RBPJ: variants seen among roughly 807,000 people sequenced by gnomAD.
The protein encoded by RBPJ is recombining binding protein suppressor of hairless.
A neutral mutation model predicts 67.8 loss-of-function variants in RBPJ; 9 were observed. The ratio of observed to expected loss-of-function variants is 0.13; its 90% CI spans 0.08 to 0.23. RBPJ has a LOEUF of 0.23. Among genes scored for constraint, RBPJ ranks in the 10% least tolerant of loss-of-function variants. RBPJ has a pLI of 1.00. For synonymous variants in RBPJ, 198 were observed against 203.3 expected, an observed-to-expected ratio of 0.97 and a Z score of 0.22; for missense variants, 305 against 595.6, an observed-to-expected ratio of 0.51 and a Z score of 5.08.
At chr4:26,405,334 T>G (rs184250497) in intron 2 of RBPJ, among the ~76,000 whole-genome samples, 5 of 152,342 alleles carry the variant, frequency 3.3e-5, no homozygotes, top group African/African-American at 1.2e-4. Context: ...AAATAACATT[T>G]AAGTTTGGGA....
chr4:26,156,475 G>C, the RBPJ span, among the ~76,000 whole-genome samples: 4 of 131,272 alleles, frequency 3.0e-5, no homozygotes, highest in Admixed American at 1.8e-4. Flanking sequence ...CTGGAGTACA[G>C]TGGTGCGATC....
the RBPJ span, among the ~76,000 whole-genome samples, chr4:26,118,144 A>G: frequency 4.6e-5 from 7 of 152,144 alleles, no homozygotes; most frequent in Non-Finnish European, 7.3e-5. Context: ...TCACCCATAT[A>G]TATTTACTGA....
At chr4:26,122,640 G>A in the RBPJ span, among the ~76,000 whole-genome samples, 1 of 152,072 alleles carries the variant, frequency 6.6e-6, no homozygotes, top group Non-Finnish European at 1.5e-5. Flanking sequence ...AATAAAGTTG[G>A]AAAATATAGA....
chr4:26,361,050 TGTGTGTGC>T lies in RBPJ; in HGVS notation c.21-25295_21-25288del, dbSNP rs1452669830. On this transcript the variant is annotated intron_variant, in intron 1 of 10. Transcript: ENST00000355476. ...AATGTGATATCCTTTCAGGAGTGAG[TGTGTGTGC>T]GTGTGTGTGTGTGTGTGTGTGTCAC... 6.8e-5 allele frequency among the ~76,000 whole-genome samples: 10 copies of T among 147,184 alleles called. No individual in the cohort carries two copies. In the South Asian group the frequency reaches 1.1e-3, roughly 16 times the overall value.
At chr4:26,122,008 T>C in the RBPJ span, among the ~76,000 whole-genome samples, 8 of 152,060 alleles carry the variant, frequency 5.3e-5, no homozygotes, top group South Asian at 1.7e-3. Context: ...ATTCAAATGA[T>C]TACATTCTCC....
intron 1 of RBPJ, among the ~76,000 whole-genome samples, chr4:26,283,823 T>G (rs1344151302): frequency 2.6e-5 from 4 of 152,004 alleles, no homozygotes; most frequent in Admixed American, 6.6e-5. Flanking sequence ...ATTTCGTACT[T>G]TTAGTAGAGA....
chr4:26,398,714 A>G (rs1268054955), intron 2 of RBPJ, among the ~76,000 whole-genome samples: 1 of 152,126 alleles, frequency 6.6e-6, no homozygotes, highest in Non-Finnish European at 1.5e-5. Flanking sequence ...TCCACGTTCA[A>G]GTGCTTCTTT....
intron 1 of RBPJ, among the ~76,000 whole-genome samples, chr4:26,218,373 C>A (rs763221920): frequency 2.1e-4 from 32 of 152,266 alleles, no homozygotes; most frequent in South Asian, 1.0e-3. Context: ...GAGGAAACTC[C>A]CCAGGAGACA....
the RBPJ span, among the ~76,000 whole-genome samples, chr4:26,121,471 G>C: frequency 0.4 from 61,452 of 151,768 alleles, 13,157 homozygotes; most frequent in Non-Finnish European, 0.46. Flanking sequence ...GTCTCAAAGA[G>C]ACTAAATAAG....
At chr4:26,374,004 C>A (rs182055413) in intron 1 of RBPJ, among the ~76,000 whole-genome samples, 253 of 150,912 alleles carry the variant, frequency 1.7e-3, no homozygotes, top group Non-Finnish European at 2.9e-3. Flanking sequence ...CTGCAGCCTC[C>A]GCCTCCTGGG....
At chr4:26,368,737 A>C (rs1431725420) in intron 1 of RBPJ, among the ~76,000 whole-genome samples, 1 of 152,232 alleles carries the variant, frequency 6.6e-6, no homozygotes, top group African/African-American at 2.4e-5. Flanking sequence ...CAGCTAGATT[A>C]ATCAAATGTG....
At chr4:26,149,077 A>T in the RBPJ span, among the ~76,000 whole-genome samples, 1 of 152,256 alleles carries the variant, frequency 6.6e-6, no homozygotes, top group Admixed American at 6.5e-5. Flanking sequence ...CCTGCCATGA[A>T]GTGCTTCAAG....
intron 1 of RBPJ, among the ~76,000 whole-genome samples, chr4:26,369,519 A>G (rs561076064): frequency 6.4e-4 from 98 of 152,338 alleles, no homozygotes; most frequent in African/African-American, 2.3e-3. Flanking sequence ...CTGGATTTTG[A>G]GGAAGCAAAA....
chr4:26,152,197 G>A, the RBPJ span, among the ~76,000 whole-genome samples: 6 of 152,210 alleles, frequency 3.9e-5, no homozygotes, highest in African/African-American at 1.4e-4. Context: ...CTCCTGCACT[G>A]TTGAATTCAG....
intron 1 of RBPJ, among the ~76,000 whole-genome samples, chr4:26,385,981 T>A (rs1730876365): frequency 6.6e-6 from 1 of 152,054 alleles, no homozygotes; most frequent in Non-Finnish European, 1.5e-5. Context: ...AGAATTATTT[T>A]ATAATGATTA....
intron 4 of RBPJ, among the ~76,000 whole-genome samples, chr4:26,418,764 G>A (rs1034185530): frequency 1.3e-5 from 2 of 152,072 alleles, no homozygotes; most frequent in African/African-American, 4.8e-5. Context: ...ATGACTGTCT[G>A]CTTTAGTACA....
intron 1 of RBPJ, among the ~76,000 whole-genome samples, chr4:26,280,496 G>A (rs1188103234): frequency 6.6e-6 from 1 of 151,862 alleles, no homozygotes; most frequent in East Asian, 1.9e-4. Context: ...GATAACTTAA[G>A]GAGACCATAC....
chr4:26,195,326 C>T (rs1717716160), intron 1 of RBPJ, among the ~76,000 whole-genome samples: 2 of 152,164 alleles, frequency 1.3e-5, no homozygotes, highest in African/African-American at 4.8e-5. Context: ...TTTATCTATC[C>T]AGTTGTCCAT....
At chr4:26,408,787 G>A (rs1733731910) in intron 3 of RBPJ, among the ~76,000 whole-genome samples, 1 of 152,198 alleles carries the variant, frequency 6.6e-6, no homozygotes, top group African/African-American at 2.4e-5. Context: ...GAACTCTTGA[G>A]GGCCTAATTT....
Sources: allele counts gnomAD v4.1 joint callset (sites outside exome capture counted in the v4.1 genomes callset), GRCh38; gene constraint gnomAD v4.1.1; transcripts MANE v1.5; gene names NCBI Gene and HGNC (gene_info 2026-07-23, HGNC 2026-07-21).